Variants in RANBP17 observed in about 807,000 individuals in gnomAD.
RANBP17 encodes RAN binding protein 17.
A neutral mutation model predicts 141.2 loss-of-function variants in RANBP17; 158 were observed. That is an observed-to-expected ratio of 1.12 (90% confidence interval 0.98 to 1.28). The LOEUF (loss-of-function observed/expected upper bound fraction) is 1.28, where lower values mean the gene tolerates loss of function less well. Among genes scored for constraint, RANBP17 ranks in the 50% most tolerant of loss-of-function variants. The pLI is 0.00. For synonymous variants in RANBP17, 430 were observed against 450.0 expected (o/e 0.96, Z 0.56); for missense variants, 1,438 against 1,290.7 (o/e 1.11, Z -1.75).
intron 16 of RANBP17, among the ~76,000 whole-genome samples, chr5:171,181,636 T>A (rs760265535): frequency 6.6e-6 from 1 of 152,250 alleles, no homozygotes; most frequent in Admixed American, 6.5e-5. Flanking sequence ...ATGCTTCATA[T>A]GCAACTGGAA....
At chr5:171,178,238 T>C (rs1760640258) in intron 16 of RANBP17, among the ~76,000 whole-genome samples, 1 of 146,760 alleles carries the variant, frequency 6.8e-6, no homozygotes, top group African/African-American at 2.5e-5. Context: ...GTTGTCATTG[T>C]TCACCTCCCA....
chr5:170,917,861 A>G (rs1303225713), intron 9 of RANBP17, among the ~76,000 whole-genome samples: 1 of 152,142 alleles, frequency 6.6e-6, no homozygotes, highest in Non-Finnish European at 1.5e-5. Flanking sequence ...TTGTTTTAGA[A>G]TCACAAACAT....
chr5:171,149,308 T>C (rs1332810993), intron 14 of RANBP17, among the ~76,000 whole-genome samples: 2 of 152,220 alleles, frequency 1.3e-5, no homozygotes, highest in South Asian at 2.1e-4. Flanking sequence ...CACATAGTTA[T>C]ATATATTTTC....
At position 171,170,634 on chromosome 5, in the gene RANBP17, A is replaced by G. The variant is rs142860086; in HGVS notation, c.1784+431A>G. Among the ~76,000 whole-genome samples the G allele has an allele frequency of 2.5e-3, 377 of 152,282 alleles. 2 individuals are homozygous for G. The highest frequency in any genetic ancestry group is 8.7e-3 in the African/African-American group (362 of 41,580). ...ACCTATGGCTGGCAGAGACATATTC[A>G]TGGAAACTGTCCTTATATTGGACTT... On this transcript the variant is annotated intron_variant, in intron 15 of 27. Coordinates refer to ENST00000523189, the MANE Select transcript of RANBP17 (RefSeq NM_022897.5).
intron 1 of RANBP17, among the ~76,000 whole-genome samples, chr5:170,873,976 C>T (rs1370770793): frequency 6.6e-6 from 1 of 152,128 alleles, no homozygotes. Context: ...CTGAAGTGGG[C>T]ATTTAGTGCT....
At chr5:171,049,923 T>C (rs1473301204) in intron 14 of RANBP17, among the ~76,000 whole-genome samples, 1 of 152,194 alleles carries the variant, frequency 6.6e-6, no homozygotes, top group Non-Finnish European at 1.5e-5. Flanking sequence ...GCTTTGTTTC[T>C]TTTGCTTAGG....
intron 16 of RANBP17, among the ~76,000 whole-genome samples, chr5:171,176,747 T>C (rs1178801356): frequency 1.3e-5 from 2 of 152,226 alleles, no homozygotes; most frequent in African/African-American, 4.8e-5. Context: ...CGAGGTCATT[T>C]AGACATAAGC....
chr5:171,258,118 TACACACACACAC>T lies in RANBP17; in HGVS notation c.2777-7532_2777-7521del, dbSNP rs34304503. On this transcript the variant is annotated intron_variant, in intron 24 of 27. Transcript: ENST00000523189. ...CAAAACTCCATCTAAAAAAAAAAAA[TACACACACACAC>T]ACACACACACACACACACACACACA... 9.0e-3 allele frequency among the ~76,000 whole-genome samples: 1,155 copies of T among 128,292 alleles called. 4 individuals carry two copies. The highest frequency in any genetic ancestry group is 0.014 in the African/African-American group (469 of 33,902). 84.2% of individuals were successfully genotyped at this position (128,292 alleles called of 152,430 possible). A position where few individuals can be genotyped will look rare whatever the true frequency, so the allele number is the denominator to read the frequency against.
chr5:171,039,755 A>C (rs189781683), intron 14 of RANBP17, among the ~76,000 whole-genome samples: 1 of 152,328 alleles, frequency 6.6e-6, no homozygotes, highest in Admixed American at 6.5e-5. Flanking sequence ...ACCCCTGTTC[A>C]CACAAACTTA....
At chr5:171,111,208 A>C (rs181676081) in intron 14 of RANBP17, among the ~76,000 whole-genome samples, 315 of 152,236 alleles carry the variant, frequency 2.1e-3, no homozygotes, top group Middle Eastern at 6.8e-3. Context: ...CTTTATGCCA[A>C]AGTAGCATAT....
intron 24 of RANBP17, among the ~76,000 whole-genome samples, chr5:171,249,155 A>G (rs1765404258): frequency 6.6e-6 from 1 of 152,228 alleles, no homozygotes; most frequent in African/African-American, 2.4e-5. Flanking sequence ...AGAAAGTTAC[A>G]GAAAGCACTA....
chr5:171,141,831 A>G (rs950963846), intron 14 of RANBP17, among the ~76,000 whole-genome samples: 5 of 152,152 alleles, frequency 3.3e-5, no homozygotes, highest in African/African-American at 1.2e-4. Context: ...CATTTTAAAC[A>G]TTATGGTTGA....
intron 16 of RANBP17, among the ~76,000 whole-genome samples, chr5:171,173,839 A>G (rs534633966): frequency 6.6e-6 from 1 of 152,272 alleles, no homozygotes; most frequent in East Asian, 1.9e-4. Context: ...CTCCAGGACC[A>G]TACTTTGAGA....
intron 24 of RANBP17, among the ~76,000 whole-genome samples, chr5:171,244,355 G>C (rs1342854479): frequency 8.5e-5 from 13 of 152,140 alleles, no homozygotes. Context: ...TCCAGCCTGG[G>C]CAACGAACGA....
At chr5:171,297,914 G>T (rs1768924348) in intron 27 of RANBP17, among the ~76,000 whole-genome samples, 1 of 134,738 alleles carries the variant, frequency 7.4e-6, no homozygotes, top group Admixed American at 8.2e-5. Context: ...GGAGTGCAGT[G>T]GCGTGATCTC....
At chr5:171,257,819 T>A (rs1766001776) in intron 24 of RANBP17, among the ~76,000 whole-genome samples, 1 of 151,988 alleles carries the variant, frequency 6.6e-6, no homozygotes, top group African/African-American at 2.4e-5. Context: ...ATAAAATACC[T>A]AGGAAGCCAG....
chr5:171,051,426 T>C (rs1782946148), intron 14 of RANBP17, among the ~76,000 whole-genome samples: 2 of 152,132 alleles, frequency 1.3e-5, no homozygotes, highest in South Asian at 4.1e-4. Flanking sequence ...ATAATACTAA[T>C]CTACTTTCTG....
chr5:171,186,567 C>T (rs1170017275), intron 18 of RANBP17, among the ~76,000 whole-genome samples: 39 of 74,028 alleles, frequency 5.3e-4, no homozygotes, highest in Admixed American at 4.2e-3. Flanking sequence ...GACGGAGTCT[C>T]GCTCTGTCGC....
intron 16 of RANBP17, among the ~76,000 whole-genome samples, chr5:171,181,764 A>G (rs965731864): frequency 6.6e-5 from 10 of 152,220 alleles, no homozygotes; most frequent in Admixed American, 5.9e-4. Context: ...GTGATGTGCT[A>G]CCTATCTCAT....
Sources: allele counts gnomAD v4.1 joint callset (sites outside exome capture counted in the v4.1 genomes callset), GRCh38; gene constraint gnomAD v4.1.1; transcripts MANE v1.5; gene names NCBI Gene and HGNC (gene_info 2026-07-23, HGNC 2026-07-21).